Variants in CSGALNACT1 observed in about 807,000 individuals in gnomAD.
CSGALNACT1 encodes the protein chondroitin sulfate N-acetylgalactosaminyltransferase 1.
Under a neutral mutation model 51.0 loss-of-function variants are expected in CSGALNACT1, and 52 were observed. That is an observed-to-expected ratio of 1.02 (90% CI 0.82 to 1.29). CSGALNACT1 has a LOEUF of 1.29. Among genes scored for constraint, CSGALNACT1 ranks in the 50% most tolerant of loss-of-function variants. CSGALNACT1 has a pLI of 0.00. For synonymous variants in CSGALNACT1, 341 were observed against 254.4 expected, an observed-to-expected ratio of 1.34 and a Z score of -3.24; for missense variants, 935 against 679.2, an observed-to-expected ratio of 1.38 and a Z score of -4.19.
At chr8:19,688,916 A>T (rs895248977) in intron 1 of CSGALNACT1, 13 of 152,218 alleles carry the variant, frequency 8.5e-5, no homozygotes, top group African/African-American at 2.7e-4. Flanking sequence ...GACAAAATTG[A>T]TTCCTATCTG....
chr8:19,438,143 G>A (rs1376409919), intron 6 of CSGALNACT1, among the ~76,000 whole-genome samples: 1 of 140,562 alleles, frequency 7.1e-6, no homozygotes, highest in African/African-American at 2.5e-5. Flanking sequence ...AAGCCCAGCT[G>A]TACTTCAGAG....
At chr8:19,636,668 C>T (rs925468405) in intron 1 of CSGALNACT1, among the ~76,000 whole-genome samples, 2 of 152,184 alleles carry the variant, frequency 1.3e-5, no homozygotes, top group Non-Finnish European at 2.9e-5. Flanking sequence ...CACATACAGT[C>T]GGTAGTGCTG....
intron 4 of CSGALNACT1, among the ~76,000 whole-genome samples, chr8:19,480,148 T>C (rs913997626): frequency 2.6e-5 from 4 of 152,234 alleles, no homozygotes; most frequent in African/African-American, 9.6e-5. Context: ...GGGATACATG[T>C]GCAGGTTTGT....
intron 1 of CSGALNACT1, among the ~76,000 whole-genome samples, chr8:19,671,887 A>G (rs547973994): frequency 2.0e-5 from 3 of 152,344 alleles, no homozygotes; most frequent in South Asian, 2.1e-4. Context: ...CTTTTGCAAT[A>G]TAACTTTTAA....
chr8:19,513,436 C>CTCTCTCTCTCTCTCTA, intron 3 of CSGALNACT1, among the ~76,000 whole-genome samples: 65 of 81,966 alleles, frequency 7.9e-4, no homozygotes, highest in Admixed American at 1.6e-3. Context: ...CTCTCTCTCT[C>CTCTCTCTCTCTCTCTA]TATATATATA....
At chr8:19,559,607 T>C (rs1318971316) in intron 3 of CSGALNACT1, among the ~76,000 whole-genome samples, 3 of 152,110 alleles carry the variant, frequency 2.0e-5, no homozygotes, top group South Asian at 2.1e-4. Flanking sequence ...AGTTCAGCAA[T>C]GTAGGGAAAC....
At chr8:19,588,058 A>G (rs2047028361) in intron 3 of CSGALNACT1, 2 of 152,064 alleles carry the variant, frequency 1.3e-5, no homozygotes, top group Non-Finnish European at 2.9e-5. Context: ...GGGCAAGGTG[A>G]TGCATGCCTA....
chr8:19,456,458 T>C (rs1315312672), intron 5 of CSGALNACT1, among the ~76,000 whole-genome samples: 1 of 152,216 alleles, frequency 6.6e-6, no homozygotes, highest in Non-Finnish European at 1.5e-5. Flanking sequence ...CTGAGAGTAA[T>C]GATTTCACTT....
intron 1 of CSGALNACT1, among the ~76,000 whole-genome samples, chr8:19,656,039 A>C (rs1004064050): frequency 6.6e-6 from 1 of 152,104 alleles, no homozygotes; most frequent in African/African-American, 2.4e-5. Flanking sequence ...GGCAGAATGG[A>C]AGGGGGTACA....
chr8:19,613,415 C>T (rs1453486969), intron 1 of CSGALNACT1, among the ~76,000 whole-genome samples: 1 of 152,160 alleles, frequency 6.6e-6, no homozygotes, highest in African/African-American at 2.4e-5. Context: ...TCGCACAGAC[C>T]GGTTTTCTTT....
chr8:19,673,664 T>G (rs2154199296), intron 1 of CSGALNACT1, among the ~76,000 whole-genome samples: 1 of 152,354 alleles, frequency 6.6e-6, no homozygotes, highest in South Asian at 2.1e-4. Context: ...TGAATTTGTC[T>G]GCTTCTACCA....
At chr8:19,515,145 G>C (rs1267023849) in intron 3 of CSGALNACT1, among the ~76,000 whole-genome samples, 1 of 151,884 alleles carries the variant, frequency 6.6e-6, no homozygotes, top group African/African-American at 2.4e-5. Context: ...GGACCCCACT[G>C]TCTCTATCTC....
At chr8:19,672,403 G>A (rs750125049) in intron 1 of CSGALNACT1, among the ~76,000 whole-genome samples, 3 of 152,160 alleles carry the variant, frequency 2.0e-5, no homozygotes, top group Non-Finnish European at 4.4e-5. Flanking sequence ...GGAGATGCCT[G>A]GCAATGTTTC....
intron 1 of CSGALNACT1, among the ~76,000 whole-genome samples, chr8:19,727,352 G>C (rs1360602576): frequency 6.6e-6 from 1 of 151,944 alleles, no homozygotes; most frequent in Non-Finnish European, 1.5e-5. Context: ...GTTTGGTTTG[G>C]TTTGGTTTGG....
chr8:19,736,935 A>G (rs1308010825), intron 1 of CSGALNACT1, among the ~76,000 whole-genome samples: 1 of 152,136 alleles, frequency 6.6e-6, no homozygotes, highest in African/African-American at 2.4e-5. Flanking sequence ...GGATAAAAAA[A>G]AAATCCTCAC....
At chr8:19,585,460 C>G (rs2046416585) in intron 3 of CSGALNACT1, 1 of 152,274 alleles carries the variant, frequency 6.6e-6, no homozygotes, top group Non-Finnish European at 1.5e-5. Context: ...GCATTTTCCA[C>G]AAGTGATGAG....
At chr8:19,554,524 C>T (rs993213301) in intron 3 of CSGALNACT1, among the ~76,000 whole-genome samples, 3 of 46,080 alleles carry the variant, frequency 6.5e-5, no homozygotes, top group South Asian at 5.7e-4. Flanking sequence ...ACTAAAAATG[C>T]GATGCAACCA....
At chr8:19,614,112 C>T (rs1462496112) in intron 1 of CSGALNACT1, among the ~76,000 whole-genome samples, 2 of 152,174 alleles carry the variant, frequency 1.3e-5, no homozygotes, top group East Asian at 1.9e-4. Flanking sequence ...AAATCTGTCA[C>T]ATTTGTGTAA....
At chr8:19,685,276 A>C (rs2060906842), upstream of CSGALNACT1, among the ~76,000 whole-genome samples, 1 of 152,176 alleles carries the variant, frequency 6.6e-6, no homozygotes, top group South Asian at 2.1e-4. Flanking sequence ...TGAGCACATA[A>C]GGCAGTTATG....
Sources: allele counts gnomAD v4.1 joint callset (sites outside exome capture counted in the v4.1 genomes callset), GRCh38; gene constraint gnomAD v4.1.1; transcripts MANE v1.5; gene names NCBI Gene and HGNC (gene_info 2026-07-23, HGNC 2026-07-21).